Variants in CATSPER1 observed in about 807,000 individuals in gnomAD.
CATSPER1 encodes the protein cation channel sperm-associated protein 1.
In CATSPER1, 57 loss-of-function variants were observed where a neutral mutation model predicts 72.7. The observed-to-expected ratio is 0.78, with a 90% CI of 0.63 to 0.98. CATSPER1 has a LOEUF of 0.98. Ranked by LOEUF, CATSPER1 falls within the 50% of genes least tolerant of loss-of-function variation. CATSPER1 has a pLI of 0.00. For missense variants in CATSPER1, 910 were observed against 1,033.9 expected, an observed-to-expected ratio of 0.88 and a Z score of 1.64; for synonymous variants, 363 against 403.0, an observed-to-expected ratio of 0.90 and a Z score of 1.19.
At position 66,021,990 on chromosome 11, in the gene CATSPER1, G is replaced by A. The variant is rs542404379; in HGVS notation, c.1430-111C>T. The A allele has an allele frequency of 1.5e-3, 1,271 of 829,606 alleles. 2 individuals carry two copies. The highest frequency in any genetic ancestry group is 3.3e-3 in the Admixed American group (177 of 52,982). The allele number at this position is 829,606 out of a possible 1,614,324, so 51.4% of individuals were successfully genotyped here. A position where few individuals can be genotyped will look rare whatever the true frequency, so the allele number is the denominator to read the frequency against. On this transcript the variant is annotated intron_variant, in intron 2 of 11. Coordinates refer to ENST00000312106, the MANE Select transcript of CATSPER1 (RefSeq NM_053054.4). ...ATTCCCAGGCTCTCCCCGGCTCTGC[G>A]TAAGCAGCTGCGCGACTTCACTACT... is the stretch of plus-strand genomic sequence containing the variant.
Position 66,025,970 on chromosome 11 carries a change from T to G in CATSPER1, c.410A>C (p.Gln137Pro). ...CCTATGGTAATGGGAGTCACTCTGC[T>G]GATGGAACCCACCGTATTGGGACCC... ...HDGSQYGGFH[Q>P]QSDSHYHRGS... is the part of the protein sequence containing the mutation. The change falls in exon 1 of 12, where the codon CAG becomes CCG. Residue 137 changes from glutamine (Q) to proline (P), a missense_variant. Coordinates refer to ENST00000312106, the MANE Select transcript of CATSPER1 (RefSeq NM_053054.4). The G allele has an allele frequency of 6.2e-7, 1 of 1,613,770 alleles. No individual in the cohort carries two copies. The highest frequency in any genetic ancestry group is 8.5e-7 in the Non-Finnish European group (1 of 1,179,900).
rs759644610 is a variant in CATSPER1, at chr11:66,021,769, A to G, written c.1540T>C (p.Leu514=). Residue 514 remains leucine (L), a synonymous_variant, in exon 3 of 12, where the codon TTG becomes CTG. Transcript: ENST00000312106. ...GCCTGGCCCCGGCCGCACCCACCCA[A>G]ATTGTTCCAGAAGTCAAAGAAGTAC... ...LSYFFDFWNN[L]DFFIMAMAVL... 7 of 1,614,016 alleles carry G rather than the reference A, an allele frequency of 4.3e-6. No individual in the cohort carries two copies. In the South Asian group the frequency reaches 4.4e-5, roughly 10 times the overall value.
At position 66,025,083 on chromosome 11, in the gene CATSPER1, A is replaced by C. The variant is rs772413771; in HGVS notation, c.1216+81T>G. 425 of 1,575,512 alleles carry C rather than the reference A, an allele frequency of 2.7e-4. 1 individual carries two copies. The highest frequency in any genetic ancestry group is 1.3e-4 in the Non-Finnish European group (151 of 1,146,264). On this transcript the variant is annotated intron_variant, in intron 1 of 11. Transcript: ENST00000312106. Reference sequence around the variant, plus strand: ...AGGGTCGGGCCTTACGATCTGCGGAAGGACAGTGCGGGGCCGAGATCAGGT... The same window carrying C: ...AGGGTCGGGCCTTACGATCTGCGGACGGACAGTGCGGGGCCGAGATCAGGT...
At chr11:66,018,712 A>G in intron 10 of CATSPER1, 115 bp downstream of exon 10, 1 of 1,162,314 alleles carries the variant, frequency 8.6e-7, no homozygotes, top group Non-Finnish European at 1.3e-6. Context: ...CACAAGCCTC[A>G]GCGCTCCATC....
rs762526161 is a variant in CATSPER1 at position 66,025,830 on chromosome 11, G to A, written c.550C>T (p.Pro184Ser). 4 of 1,613,108 alleles carry A rather than the reference G, an allele frequency of 2.5e-6. No homozygotes were observed. Among genetic ancestry groups the A allele is most frequent in the East Asian group, 2.2e-5 (1 of 44,812 alleles). Reference sequence around the variant, plus strand: ...TGGAAGGACTCACTGTAGGGATTGGGTCCATGGGGGAGGTAGGACCCACCA... The same window carrying A: ...TGGAAGGACTCACTGTAGGGATTGGATCCATGGGGGAGGTAGGACCCACCA... ...HHGGSYLPHG[P>S]NPYSESFHHS... The change falls in exon 1 of 12, where the codon CCC becomes TCC. Residue 184 changes from proline (P) to serine (S), a missense_variant. By Grantham distance (74) the Pro-to-Ser change is moderately conservative. Transcript: ENST00000312106.
intron 1 of CATSPER1, among the ~76,000 whole-genome samples, chr11:66,024,665 G>T (rs554833689): frequency 1.4e-3 from 218 of 152,248 alleles, no homozygotes; most frequent in Non-Finnish European, 2.4e-3. Context: ...CTCCAATAAG[G>T]CCCTCATTCA....
chr11:66,020,443 A>T lies in CATSPER1; in HGVS notation c.1992-54T>A. 6.2e-7 allele frequency: 1 copy of T among 1,609,974 alleles called. No individual in the cohort carries two copies. Among genetic ancestry groups the T allele is most frequent in the African/African-American group, 1.3e-5 (1 of 74,918 alleles). On this transcript the variant is annotated intron_variant, in intron 7 of 11. Transcript: ENST00000312106. This position sits in a 1 kb window ranked among gnomAD's most constrained non-coding sequence, Gnocchi z 4.5. ...AGCGAGGAGGCCAGAGGAGAGGGGC[A>T]CCCGGTACTTCTTGTGGGTTCAGCG...
Position 66,026,468 on chromosome 11 carries a change from T to C in CATSPER1, c.-89A>G. On this transcript the variant is annotated 5_prime_UTR_variant, in exon 1 of 12. Coordinates refer to ENST00000312106, the MANE Select transcript of CATSPER1 (RefSeq NM_053054.4). ...ATTTCCCTTCTTTCCTGAGCCAAGC[T>C]CAATGCAGACTGTGGCACTGGGCTT... 2 of 1,596,942 alleles carry C rather than the reference T, an allele frequency of 1.3e-6. No individual in the cohort carries two copies. The highest frequency in any genetic ancestry group is 1.7e-6 in the Non-Finnish European group (2 of 1,178,150).
In CATSPER1 at chr11:66,020,239, C is replaced by A; in HGVS notation, c.2065-39G>T. ...GCCTCAGATCTGCCAGAGTCCCAGG[C>A]CTGCTCAACCCTGGAGGCCCCTGGC... On this transcript the variant is annotated intron_variant, in intron 8 of 11. Coordinates refer to ENST00000312106, the MANE Select transcript of CATSPER1 (RefSeq NM_053054.4). The surrounding 1 kb of genome is among the most constrained non-coding windows in gnomAD (Gnocchi z 4.5). The A allele has an allele frequency of 6.2e-7, 1 of 1,614,000 alleles. No individual in the cohort carries two copies. Among genetic ancestry groups the A allele is most frequent in the Non-Finnish European group, 8.5e-7 (1 of 1,179,878 alleles).
At chr11:66,023,505 G>A (rs1313805475) in intron 1 of CATSPER1, among the ~76,000 whole-genome samples, 4 of 152,258 alleles carry the variant, frequency 2.6e-5, no homozygotes, top group South Asian at 2.1e-4. Flanking sequence ...AAGCAGCTGC[G>A]CGACTTCACT....
At chr11:66,018,255 G>C (rs1044989094) in intron 10 of CATSPER1, among the ~76,000 whole-genome samples, 22 of 152,052 alleles carry the variant, frequency 1.4e-4, no homozygotes, top group African/African-American at 5.3e-4. Context: ...GATACATGAG[G>C]GTTTACCAGG....
At chr11:66,018,930 C>G in intron 9 of CATSPER1, 28 bp from the exon 10 acceptor site, 3 of 1,588,726 alleles carry the variant, frequency 1.9e-6, no homozygotes, top group Non-Finnish European at 2.6e-6. Flanking sequence ...AGGGTGAGGT[C>G]AAGGCCTGGA....
intron 10 of CATSPER1, among the ~76,000 whole-genome samples, chr11:66,018,404 C>T (rs964225356): frequency 2.0e-5 from 3 of 151,996 alleles, no homozygotes; most frequent in Admixed American, 2.0e-4. Flanking sequence ...GACCTCCAGG[C>T]CTTGATCTAA....
At position 66,025,796 on chromosome 11, in the gene CATSPER1, T is replaced by A; in HGVS notation, c.584A>T (p.Glu195Val). 1 of 1,613,226 alleles carries A rather than the reference T, an allele frequency of 6.2e-7. No homozygotes were observed. Residue 195 changes from glutamate (E) to valine (V), a missense_variant, in exon 1 of 12, where the codon GAG becomes GTG. Coordinates refer to ENST00000312106, the MANE Select transcript of CATSPER1 (RefSeq NM_053054.4). ...TTGGAGCCCGCTAAGGTGGGAAGCC[T>A]CGCTGTGGTGGAAGGACTCACTGTA... ...NPYSESFHHSEASHLSGLQHD... is the reference protein window; with the variant it reads ...NPYSESFHHSVASHLSGLQHD...
At chr11:66,021,220 T>C (rs772024892) in intron 4 of CATSPER1, 35 bp from the exon 5 acceptor site, 179 of 1,587,620 alleles carry the variant, frequency 1.1e-4, no homozygotes, top group Non-Finnish European at 1.5e-4. Context: ...GAGTCATCGG[T>C]GAGGGGCGGG....
chr11:66,021,422 T>G (rs1282344037), intron 4 of CATSPER1, 74 bp downstream of exon 4: 1 of 1,568,424 alleles, frequency 6.4e-7, no homozygotes, highest in African/African-American at 1.4e-5. Context: ...TCACAGTGGA[T>G]TTCTTTGGGG....
In CATSPER1 at chr11:66,020,544, G is replaced by A. The variant is rs1268952947; in HGVS notation, c.1991+20C>T. ...GAAGTGTGGGTGGTGCTGGGCAGCA[G>A]AGCAGGGGTGAGTCCTCACTTGAGG... On this transcript the variant is annotated intron_variant, in intron 7 of 11. Coordinates refer to ENST00000312106, the MANE Select transcript of CATSPER1 (RefSeq NM_053054.4). The surrounding 1 kb of genome is among the most constrained non-coding windows in gnomAD (Gnocchi z 4.5). The A allele has an allele frequency of 6.2e-7, 1 of 1,607,932 alleles. No homozygotes were observed. Among genetic ancestry groups the A allele is most frequent in the East Asian group, 2.2e-5 (1 of 44,820 alleles).
chr11:66,017,183 G>A lies in CATSPER1; in HGVS notation c.2202-9C>T. On this transcript the variant is annotated splice_polypyrimidine_tract_variant and intron_variant, in intron 10 of 11. Transcript: ENST00000312106. ...ACAGGAGCTCCTGCTGCCTGCGGGT[G>A]GGCGGGGGGGTCGCAGAGACAGGGG... is the stretch of plus-strand genomic sequence containing the variant. The A allele has an allele frequency of 6.6e-7, 1 of 1,516,568 alleles. No homozygotes were observed. The highest frequency in any genetic ancestry group is 9.0e-7 in the Non-Finnish European group (1 of 1,109,508). The allele number at this position is 1,516,568 out of a possible 1,614,324, so 93.9% of individuals were successfully genotyped here. A position where few individuals can be genotyped will look rare whatever the true frequency, so the allele number is the denominator to read the frequency against.
chr11:66,025,079 C>T (rs1316634509), intron 1 of CATSPER1, 85 bp downstream of exon 1: 66 of 1,565,250 alleles, frequency 4.2e-5, no homozygotes, highest in Non-Finnish European at 5.5e-5. Flanking sequence ...TTACGATCTG[C>T]GGAAGGACAG....
Sources: allele counts gnomAD v4.1 joint callset (sites outside exome capture counted in the v4.1 genomes callset), GRCh38; gene constraint gnomAD v4.1.1; non-coding constraint Gnocchi (gnomAD v3.1); transcripts MANE v1.5; gene names NCBI Gene and HGNC (gene_info 2026-07-23, HGNC 2026-07-21).